Variants in ANKAR observed in about 807,000 individuals in gnomAD.
The protein encoded by ANKAR is ankyrin and armadillo repeat-containing protein.
Under a neutral mutation model 146.2 loss-of-function variants are expected in ANKAR, and 136 were observed. The observed-to-expected ratio is 0.93, with a 90% CI of 0.81 to 1.07. The LOEUF is 1.07. Among genes scored for constraint, ANKAR ranks in the 50% least tolerant of loss-of-function variants. The probability of loss-of-function intolerance (pLI) is 0.00; values close to 1 mark genes in which losing one functional copy is unlikely to be tolerated. For synonymous variants in ANKAR, 500 were observed against 575.8 expected (o/e 0.87, Z 1.88); for missense variants, 1,567 against 1,679.9 (o/e 0.93, Z 1.18).
At chr2:189,761,250 A>C (rs1252276789), downstream of ANKAR, 2 of 559,036 alleles carry the variant, frequency 3.6e-6, no homozygotes, top group African/African-American at 4.0e-5. Context: ...TATTGTGAAG[A>C]CCCTTAAAAG....
At chr2:189,745,024 C>CTAA (rs777180514) in intron 22 of ANKAR, among the ~76,000 whole-genome samples, 2 of 33,774 alleles carry the variant, frequency 5.9e-5, no homozygotes, top group African/African-American at 1.1e-4. Flanking sequence ...ACTACTACTA[C>CTAA]TACTAATAAT....
downstream of ANKAR, among the ~76,000 whole-genome samples, chr2:189,749,260 A>AAAAAAAAAAGAT (rs1553538643): frequency 7.0e-6 from 1 of 142,092 alleles, no homozygotes; most frequent in African/African-American, 2.6e-5. Flanking sequence ...AAAAAAAAAA[A>AAAAAAAAAAGAT]AAAAAAAGAT....
At chr2:189,731,230 C>T (rs763948088) in intron 16 of ANKAR, among the ~76,000 whole-genome samples, 74 of 152,044 alleles carry the variant, frequency 4.9e-4, no homozygotes, top group Non-Finnish European at 8.8e-5. Context: ...AAATTCAGGA[C>T]ATCTATAGAT....
At chr2:189,746,284 T>G (rs951984829) in intron 22 of ANKAR, 96 bp from the exon 23 acceptor site, 2 of 1,374,548 alleles carry the variant, frequency 1.5e-6, no homozygotes, top group African/African-American at 2.9e-5. Flanking sequence ...TAGTATGTTT[T>G]AGTTATGTAA....
chr2:189,685,197 G>A (rs960163242), intron 2 of ANKAR, among the ~76,000 whole-genome samples: 2 of 151,500 alleles, frequency 1.3e-5, no homozygotes, highest in East Asian at 1.9e-4. Flanking sequence ...ATTTTTTGTA[G>A]AATGTTGTCC....
chr2:189,702,435 G>A (rs2038211256), intron 7 of ANKAR, among the ~76,000 whole-genome samples: 1 of 152,096 alleles, frequency 6.6e-6, no homozygotes, highest in South Asian at 2.1e-4. Context: ...TAATGTTAAG[G>A]TTTTCTTACT....
rs200731085 is a variant in ANKAR, at chr2:189,751,665, G to A, written c.*584+6877G>A. 1.6e-4 allele frequency among the ~76,000 whole-genome samples: 24 copies of A among 150,930 alleles called. 1 individual carries two copies. The South Asian group carries it at 4.4e-3, about 28-fold the overall frequency. ...TCACCATGTTGGCCAGGCTGGTCTCGAACTCCTAACCTCAGATGATCTGCC... is the reference window on the plus strand; with the variant it reads ...TCACCATGTTGGCCAGGCTGGTCTCAAACTCCTAACCTCAGATGATCTGCC... On this transcript the variant is annotated intron_variant and NMD_transcript_variant, in intron 18 of 18. Transcript: ENST00000441800.
At chr2:189,731,750 G>C (rs2042421705) in intron 16 of ANKAR, among the ~76,000 whole-genome samples, 2 of 152,018 alleles carry the variant, frequency 1.3e-5, no homozygotes, top group South Asian at 4.2e-4. Flanking sequence ...AGCCAGGCTA[G>C]AGTGCAGTAG....
intron 15 of ANKAR, among the ~76,000 whole-genome samples, chr2:189,730,075 G>A (rs560782581): frequency 2.2e-4 from 33 of 151,968 alleles, no homozygotes; most frequent in African/African-American, 8.0e-4. Flanking sequence ...TATCTTGTTA[G>A]CGTGTATAAT....
rs781723394 is a variant in ANKAR, at chr2:189,719,628, A to G, written c.2281A>G (p.Lys761Glu). 1.2e-6 allele frequency: 2 copies of G among 1,614,020 alleles called. No homozygotes were observed. The highest frequency in any genetic ancestry group is 1.7e-5 in the Admixed American group (1 of 60,028). Residue 761 changes from lysine to glutamate, a missense_variant, in exon 11 of 23, where the codon AAA becomes GAA. Coordinates refer to ENST00000684021, the MANE Select transcript of ANKAR (RefSeq NM_001378068.1). ...LKSSKIKLQC[K>E]TVGLLSNIST... is the part of the protein sequence containing the mutation. ...AAGTTCCAAAATAAAACTGCAGTGC[A>G]AAACTGTTGGGTTATTGAGTAATAT...
intron 10 of ANKAR, among the ~76,000 whole-genome samples, chr2:189,713,987 T>G (rs1328032454): frequency 6.6e-6 from 1 of 152,168 alleles, no homozygotes; most frequent in African/African-American, 2.4e-5. Flanking sequence ...AAACAGACTT[T>G]CAACTAACAA....
chr2:189,744,205 T>C (rs2043740685), intron 21 of ANKAR, among the ~76,000 whole-genome samples: 1 of 152,180 alleles, frequency 6.6e-6, no homozygotes, highest in African/African-American at 2.4e-5. Flanking sequence ...ACATCAATTT[T>C]AAGTACAGAG....
At chr2:189,718,333 TCTGTCTAG>T (rs946565464) in intron 10 of ANKAR, among the ~76,000 whole-genome samples, 34 of 5,058 alleles carry the variant, frequency 6.7e-3, no homozygotes, top group South Asian at 0.25. Context: ...TGTCTATCTG[TCTGTCTAG>T]CTATCTATCT....
chr2:189,703,655 A>G (rs983463880), intron 7 of ANKAR, among the ~76,000 whole-genome samples: 1 of 152,200 alleles, frequency 6.6e-6, no homozygotes, highest in Non-Finnish European at 1.5e-5. Context: ...AAGCAAAGCC[A>G]CTAAGAAGAG....
At chr2:189,757,698 T>C (rs2046287215) in intron 18 of ANKAR, among the ~76,000 whole-genome samples, 1 of 152,198 alleles carries the variant, frequency 6.6e-6, no homozygotes, top group Non-Finnish European at 1.5e-5. Context: ...AACCCACTTA[T>C]ATGGTGAGCT....
In ANKAR at chr2:189,743,394, C is replaced by G. The variant is rs763294535; in HGVS notation, c.3930C>G (p.Ile1310Met). 1 of 1,613,900 alleles carries G rather than the reference C, an allele frequency of 6.2e-7. No homozygotes were observed. The highest frequency in any genetic ancestry group is 8.5e-7 in the Non-Finnish European group (1 of 1,179,902). The change falls in exon 21 of 23, where the codon ATC (isoleucine) becomes ATG (methionine). Residue 1310 changes from isoleucine to methionine, a missense_variant. Physicochemically the swap from Ile to Met is conservative, Grantham distance 10. Coordinates refer to ENST00000684021, the MANE Select transcript of ANKAR (RefSeq NM_001378068.1). ...PNQFIRIKNN[I>M]SRDASINPAF... ...AGTTCATTCGTATAAAAAATAATAT[C>G]AGCAGAGATGCAAGTATTAACCCAG...
At chr2:189,759,334 C>T (rs545507038) in intron 18 of ANKAR, among the ~76,000 whole-genome samples, 18 of 152,182 alleles carry the variant, frequency 1.2e-4, no homozygotes, top group South Asian at 6.2e-4. Flanking sequence ...CTGCAAGCTC[C>T]GCCTCCCGGG....
intron 2 of ANKAR, among the ~76,000 whole-genome samples, chr2:189,688,607 G>A (rs1451121851): frequency 1.3e-5 from 2 of 152,206 alleles, no homozygotes; most frequent in Non-Finnish European, 2.9e-5. Context: ...AGAGGAGCAA[G>A]ACAGGAATTT....
intron 3 of ANKAR, among the ~76,000 whole-genome samples, chr2:189,690,921 T>C (rs577656047): frequency 6.6e-6 from 1 of 152,312 alleles, no homozygotes; most frequent in Admixed American, 6.5e-5. Flanking sequence ...GATCAGGGTG[T>C]ATAGTGTATA....
Sources: allele counts gnomAD v4.1 joint callset (sites outside exome capture counted in the v4.1 genomes callset), GRCh38; gene constraint gnomAD v4.1.1; transcripts MANE v1.5; gene names NCBI Gene and HGNC (gene_info 2026-07-23, HGNC 2026-07-21).